KIAA0586: variants seen among roughly 807,000 people sequenced by gnomAD.
The protein encoded by KIAA0586 is KIAA0586.
A neutral mutation model predicts 169.8 loss-of-function variants in KIAA0586; 144 were observed. The ratio of observed to expected loss-of-function variants is 0.85; its 90% CI spans 0.74 to 0.97. KIAA0586 has a LOEUF of 0.97. Among genes scored for constraint, KIAA0586 ranks in the 50% least tolerant of loss-of-function variants. The pLI, the probability that KIAA0586 is intolerant of heterozygous loss-of-function variation, is 0.00. For missense variants in KIAA0586, 1,854 were observed against 1,823.0 expected (o/e 1.02, Z -0.31); for synonymous variants, 625 against 612.4 (o/e 1.02, Z -0.30).
At chr14:58,552,416 A>G (rs951137323), downstream of KIAA0586, among the ~76,000 whole-genome samples, 5 of 152,194 alleles carry the variant, frequency 3.3e-5, no homozygotes, top group African/African-American at 1.2e-4. Flanking sequence ...GCCAGAGTAC[A>G]GATGCCCCCT....
the KIAA0586 span, among the ~76,000 whole-genome samples, chr14:58,559,597 A>C: frequency 6.6e-6 from 1 of 152,316 alleles, no homozygotes; most frequent in East Asian, 1.9e-4. Context: ...GAATAGAAGC[A>C]CATTTTCATT....
At chr14:58,558,955 TC>T in the KIAA0586 span, among the ~76,000 whole-genome samples, 1 of 152,222 alleles carries the variant, frequency 6.6e-6, no homozygotes, top group Non-Finnish European at 1.5e-5. Context: ...TCAATCTGAA[TC>T]TTAGTAGGTC....
rs565663629 is a variant in KIAA0586, at chr14:58,542,339, C to T, written c.4495+2203C>T. Reference sequence around the variant, plus strand: ...TAAAAATACAATAATTAGCTGGGTGCGGTGGCACACGCCAGTAATCCAAGC... The same window carrying T: ...TAAAAATACAATAATTAGCTGGGTGTGGTGGCACACGCCAGTAATCCAAGC... On this transcript the variant is annotated intron_variant, in intron 30 of 30. Coordinates refer to ENST00000652326, the MANE Select transcript of KIAA0586 (RefSeq NM_001329943.3). 1.6e-3 allele frequency among the ~76,000 whole-genome samples: 247 copies of T among 151,944 alleles called. 1 individual carries two copies. The highest frequency in any genetic ancestry group is 5.6e-3 in the African/African-American group (233 of 41,422).
intron 16 of KIAA0586, among the ~76,000 whole-genome samples, chr14:58,469,228 C>T (rs1221669957): frequency 6.6e-6 from 1 of 152,210 alleles, no homozygotes; most frequent in Non-Finnish European, 1.5e-5. Context: ...TGTGTTTTCA[C>T]AGCCAAGTTG....
Position 58,460,983 on chromosome 14 carries a change from C to T in KIAA0586, c.1885-3C>T, listed in dbSNP as rs1201140750. 6.3e-7 allele frequency: 1 copy of T among 1,586,298 alleles called. No individual in the cohort carries two copies. The highest frequency in any genetic ancestry group is 1.4e-5 in the African/African-American group (1 of 73,012). On this transcript the variant is annotated splice_region_variant and splice_polypyrimidine_tract_variant and intron_variant, in intron 13 of 30. Transcript: ENST00000652326. ...GGTGAGTTGAATAACTTTGTACACA[C>T]AGGGGCTTTTGAAAGCAACCACAGT...
intron 28 of KIAA0586, among the ~76,000 whole-genome samples, chr14:58,511,362 A>G (rs2044370893): frequency 6.6e-6 from 1 of 152,204 alleles, no homozygotes; most frequent in African/African-American, 2.4e-5. Flanking sequence ...TAATCATTAT[A>G]ACAGCCTAAT....
At chr14:58,559,251 C>T in the KIAA0586 span, among the ~76,000 whole-genome samples, 1 of 152,214 alleles carries the variant, frequency 6.6e-6, no homozygotes, top group Non-Finnish European at 1.5e-5. Flanking sequence ...GGGATCCCCC[C>T]ATCTGTAGCT....
Position 58,488,766 on chromosome 14 carries a change from A to G in KIAA0586, c.3673A>G (p.Thr1225Ala), listed in dbSNP as rs1473784906. The part of the protein sequence containing the change: ...PSQMPGSDSS[T>A]LESTLSVTVT... The stretch of plus-strand genomic sequence containing the variant: ...ACAGATGCCAGGTTCTGATTCATCA[A>G]CACTGGAGAGCACATTGAGTGTTAC... Residue 1225 changes from threonine to alanine, a missense_variant, in exon 24 of 31, where the codon ACA (threonine) becomes GCA (alanine). Coordinates refer to ENST00000652326, the MANE Select transcript of KIAA0586 (RefSeq NM_001329943.3). 3 of 1,613,768 alleles carry G rather than the reference A, an allele frequency of 1.9e-6. No homozygotes were observed. The highest frequency in any genetic ancestry group is 2.5e-6 in the Non-Finnish European group (3 of 1,179,866).
At chr14:58,511,390 TATC>T (rs1372246095) in intron 28 of KIAA0586, among the ~76,000 whole-genome samples, 2 of 152,220 alleles carry the variant, frequency 1.3e-5, no homozygotes, top group African/African-American at 2.4e-5. Flanking sequence ...TTGTTACTAT[TATC>T]CCCATTTCAT....
intron 29 of KIAA0586, among the ~76,000 whole-genome samples, chr14:58,537,759 T>C (rs2046388172): frequency 6.6e-6 from 1 of 152,020 alleles, no homozygotes; most frequent in Non-Finnish European, 1.5e-5. Flanking sequence ...GCCATTCTCC[T>C]GCCTCAGCCT....
intron 4 of KIAA0586, among the ~76,000 whole-genome samples, chr14:58,437,704 C>CAAAA (rs71107947): frequency 4.9e-5 from 3 of 61,616 alleles, no homozygotes; most frequent in African/African-American, 6.7e-5. Context: ...GATCCTGTCT[C>CAAAA]AAAAAAAAAA....
At chr14:58,452,662 G>C (rs1426850712) in intron 8 of KIAA0586, among the ~76,000 whole-genome samples, 7 of 152,050 alleles carry the variant, frequency 4.6e-5, no homozygotes, top group Non-Finnish European at 7.4e-5. Context: ...ATAAATGTAG[G>C]GGTTTTTCTA....
chr14:58,457,547 C>T (rs998679427), intron 10 of KIAA0586, among the ~76,000 whole-genome samples: 5 of 152,174 alleles, frequency 3.3e-5, no homozygotes, highest in Non-Finnish European at 7.3e-5. Flanking sequence ...GGATTACAGG[C>T]GTGAGCCACC....
intron 26 of KIAA0586, 51 bp downstream of exon 26, chr14:58,492,326 A>G (rs1466912833): frequency 2.0e-5 from 30 of 1,473,870 alleles, no homozygotes; most frequent in Non-Finnish European, 2.4e-5. Flanking sequence ...AATACAGGAA[A>G]AAATTAAAAT....
Position 58,470,738 on chromosome 14 carries a change from T to TAC in KIAA0586, c.2553+15_2553+16insAC. ...CTTGGATAAAGGTATATTTCAGAAT[T>TAC]TTATCATATTATTTTGAGTAATGTC... is the stretch of plus-strand genomic sequence containing the variant. On this transcript the variant is annotated intron_variant, in intron 17 of 30. Transcript: ENST00000652326. 7.7e-7 allele frequency: 1 copy of TAC among 1,298,796 alleles called. No individual in the cohort carries two copies. The highest frequency in any genetic ancestry group is 1.1e-6 in the Non-Finnish European group (1 of 895,224). 80.5% of individuals were successfully genotyped at this position (1,298,796 alleles called of 1,614,324 possible).
chr14:58,528,389 A>C (rs1482317305), intron 29 of KIAA0586, among the ~76,000 whole-genome samples: 2 of 152,170 alleles, frequency 1.3e-5, no homozygotes, highest in Admixed American at 6.5e-5. Flanking sequence ...ACCCCAAATC[A>C]ACAGAGTATA....
At chr14:58,440,847 G>C (rs917685669) in intron 4 of KIAA0586, 2 of 152,734 alleles carry the variant, frequency 1.3e-5, no homozygotes, top group African/African-American at 4.8e-5. Context: ...GGCTGGGGGT[G>C]GGGAGAAAGT....
At chr14:58,556,355 A>G in the KIAA0586 span, among the ~76,000 whole-genome samples, 20 of 152,360 alleles carry the variant, frequency 1.3e-4, no homozygotes, top group East Asian at 2.7e-3. Context: ...AAATAGTATT[A>G]AGTCAGAATT....
chr14:58,450,861 C>T (rs2039311894), intron 8 of KIAA0586, 115 bp downstream of exon 8: 1 of 608,368 alleles, frequency 1.6e-6, no homozygotes, highest in East Asian at 2.9e-5. Context: ...TTAAATGACC[C>T]TTGCTGGGAA....
Sources: gnomAD v4.1 joint callset for allele counts (sites outside exome capture counted in the v4.1 genomes callset) on GRCh38, gnomAD v4.1.1 for gene constraint, MANE v1.5 for transcripts, NCBI Gene and HGNC (gene_info 2026-07-23, HGNC 2026-07-21) for gene names.